EIF4B: variants seen among roughly 807,000 people sequenced by gnomAD.
EIF4B encodes the protein eukaryotic translation initiation factor 4B.
A neutral mutation model predicts 79.3 loss-of-function variants in EIF4B; 8 were observed. The observed-to-expected ratio is 0.10, with a 90% CI of 0.06 to 0.18. The LOEUF is 0.18. Ranked by LOEUF, EIF4B falls within the 10% of genes least tolerant of loss-of-function variation. The pLI, the probability that EIF4B is intolerant of heterozygous loss-of-function variation, is 1.00. For missense variants in EIF4B, 515 were observed against 792.4 expected (o/e 0.65, Z 4.20); for synonymous variants, 238 against 274.7 (o/e 0.87, Z 1.32).
Position 53,042,017 on chromosome 12 carries a change from C to G in EIF4B, c.*1794C>G, listed in dbSNP as rs141661813. The G allele has an allele frequency of 9.4e-4, 143 of 152,690 alleles. No homozygotes were observed. The highest frequency in any genetic ancestry group is 3.3e-3 in the African/African-American group (138 of 41,540). 9.5% of individuals were successfully genotyped at this position (152,690 alleles called of 1,614,324 possible). ...TTTCCCTCTCCCCTACCTTGTCCCC[C>G]CTATTAAAATAGAAACAGGGATTGA... On this transcript the variant is annotated 3_prime_UTR_variant, in exon 15 of 15. Transcript: ENST00000262056.
chr12:53,039,489 T>G, intron 13 of EIF4B, 141 bp from the exon 14 acceptor site: 7 of 1,265,108 alleles, frequency 5.5e-6, no homozygotes, highest in Non-Finnish European at 7.7e-6. Context: ...ATTCTGAAAA[T>G]CTAGAAGTAA....
At chr12:53,027,136 A>AGTTTTTTTTTTTTTT (rs777111413) in intron 6 of EIF4B, among the ~76,000 whole-genome samples, 1 of 29,444 alleles carries the variant, frequency 3.4e-5, no homozygotes, top group Non-Finnish European at 1.2e-4. Flanking sequence ...AAAAAAAAAA[A>AGTTTTTTTTTTTTTT]ATTTTTTTTT....
intron 10 of EIF4B, 133 bp from the exon 11 acceptor site, chr12:53,037,276 C>T: frequency 1.1e-6 from 1 of 923,604 alleles, no homozygotes; most frequent in South Asian, 1.7e-5. Flanking sequence ...ACTTGTAAAC[C>T]ACTGGTTTAG....
In EIF4B at chr12:53,027,116, T is replaced by G. The variant is rs548500089; in HGVS notation, c.668-666T>G. ...ACCAGCCTGGGCAGCAGAGAGAGAC[T>G]GTCTCTCAAAAAAAAAAAAAATTTT... On this transcript the variant is annotated intron_variant, in intron 6 of 14. Coordinates refer to ENST00000262056, the MANE Select transcript of EIF4B (RefSeq NM_001417.7). Among the ~76,000 whole-genome samples the G allele has an allele frequency of 2.8e-3, 191 of 68,694 alleles. 1 individual carries two copies. The highest frequency in any genetic ancestry group is 8.2e-3 in the African/African-American group (187 of 22,866). 45.1% of individuals were successfully genotyped at this position (68,694 alleles called of 152,430 possible).
At chr12:53,016,878 C>G (rs1265438637) in intron 2 of EIF4B, among the ~76,000 whole-genome samples, 3 of 152,186 alleles carry the variant, frequency 2.0e-5, no homozygotes, top group Non-Finnish European at 2.9e-5. Flanking sequence ...TTTTGGGCCT[C>G]ATTTTCTTCA....
intron 6 of EIF4B, among the ~76,000 whole-genome samples, chr12:53,027,137 A>ATTTTTTT (rs71095967): frequency 1.6e-4 from 4 of 25,744 alleles, no homozygotes; most frequent in African/African-American, 2.5e-4. Flanking sequence ...AAAAAAAAAA[A>ATTTTTTT]TTTTTTTTTT....
intron 4 of EIF4B, 101 bp from the exon 5 acceptor site, chr12:53,021,705 C>A: frequency 7.4e-7 from 1 of 1,344,424 alleles, no homozygotes; most frequent in Non-Finnish European, 1.1e-6. Flanking sequence ...CCTTTATCTT[C>A]CTTCCCCTAG....
At chr12:53,012,116 CG>C in intron 1 of EIF4B, 1 of 152,300 alleles carries the variant, frequency 6.6e-6, no homozygotes, top group East Asian at 1.9e-4. Flanking sequence ...GGAACAAACA[CG>C]GGCACCTACT....
intron 8 of EIF4B, among the ~76,000 whole-genome samples, chr12:53,031,658 A>G (rs1439555239): frequency 6.6e-6 from 1 of 152,274 alleles, no homozygotes; most frequent in Non-Finnish European, 1.5e-5. Flanking sequence ...GCTATAACAC[A>G]GATTTAAAAT....
intron 3 of EIF4B, among the ~76,000 whole-genome samples, 182 bp from the exon 4 acceptor site, chr12:53,019,728 A>G (rs1362254942): frequency 1.4e-5 from 2 of 146,236 alleles, no homozygotes; most frequent in Non-Finnish European, 1.5e-5. Context: ...TTCAGAAGGT[A>G]TAATAGGGCA....
At chr12:53,020,246 G>T (rs1943226405) in intron 4 of EIF4B, among the ~76,000 whole-genome samples, 1 of 152,146 alleles carries the variant, frequency 6.6e-6, no homozygotes. Flanking sequence ...TAGGTACTTA[G>T]GTGGAAAGTT....
rs2121001712 is a variant in EIF4B at position 53,041,683 on chromosome 12, CCTT to C, written c.*1463_*1465del. The C allele has an allele frequency of 6.6e-6, 1 of 152,164 alleles. No homozygotes were observed. The highest frequency in any genetic ancestry group is 2.1e-4 in the South Asian group (1 of 4,816). The allele number at this position is 152,164 out of a possible 1,614,324, so 9.4% of individuals were successfully genotyped here. Reference sequence around the variant, plus strand: ...AACACCTTGATCTTGGTTTGCAAGCCCTTCTCCCATCAGTCCTAGATTAGGCCC... The same window carrying C: ...AACACCTTGATCTTGGTTTGCAAGCCCTCCCATCAGTCCTAGATTAGGCCC... On this transcript the variant is annotated 3_prime_UTR_variant, in exon 15 of 15. Coordinates refer to ENST00000262056, the MANE Select transcript of EIF4B (RefSeq NM_001417.7).
intron 2 of EIF4B, 52 bp from the exon 3 acceptor site, chr12:53,018,746 C>T: frequency 6.3e-7 from 1 of 1,595,590 alleles, no homozygotes; most frequent in Non-Finnish European, 8.6e-7. Context: ...TGTTCTATGA[C>T]AGTAGTGAGA....
intron 4 of EIF4B, among the ~76,000 whole-genome samples, chr12:53,020,601 T>C (rs1203097154): frequency 6.6e-6 from 1 of 152,156 alleles, no homozygotes; most frequent in African/African-American, 2.4e-5. Flanking sequence ...AAAAGACTTT[T>C]TTCCTCCTTT....
chr12:53,017,271 A>C (rs1943163831), intron 2 of EIF4B, among the ~76,000 whole-genome samples: 1 of 148,614 alleles, frequency 6.7e-6, no homozygotes, highest in Non-Finnish European at 1.5e-5. Context: ...AAAAAAAGTG[A>C]TGTTTCAGTG....
intron 2 of EIF4B, among the ~76,000 whole-genome samples, chr12:53,018,565 A>G (rs1592217330): frequency 6.6e-6 from 1 of 152,196 alleles, no homozygotes; most frequent in East Asian, 1.9e-4. Flanking sequence ...ATATTCCATA[A>G]AGAGTTGTAT....
At chr12:53,021,577 T>A in intron 4 of EIF4B, 1 of 612,002 alleles carries the variant, frequency 1.6e-6, no homozygotes, top group Non-Finnish European at 3.0e-6. Flanking sequence ...AATTAAGCTT[T>A]GTAAAAATAG....
intron 1 of EIF4B, among the ~76,000 whole-genome samples, chr12:53,012,755 G>A (rs1438576046): frequency 4.0e-5 from 6 of 151,700 alleles, no homozygotes; most frequent in Admixed American, 1.3e-4. Context: ...ACAGGTGCCC[G>A]CCACCATGCC....
At chr12:53,009,563 A>G (rs1315944566) in intron 1 of EIF4B, among the ~76,000 whole-genome samples, 2 of 152,140 alleles carry the variant, frequency 1.3e-5, no homozygotes, top group Non-Finnish European at 1.5e-5. Flanking sequence ...CAGGCCTTTC[A>G]TTTCCATAAT....
Sources: gnomAD v4.1 joint callset for allele counts (sites outside exome capture counted in the v4.1 genomes callset) on GRCh38, gnomAD v4.1.1 for gene constraint, MANE v1.5 for transcripts, NCBI Gene and HGNC (gene_info 2026-07-23, HGNC 2026-07-21) for gene names.